The following ELP3 variants were observed in gnomAD, a reference collection of about 807,000 sequenced individuals.
ELP3 encodes the protein elongator acetyltransferase complex subunit 3, also known as elongator complex protein 3.
Under a neutral mutation model 74.9 loss-of-function variants are expected in ELP3, and 56 were observed. The ratio of observed to expected loss-of-function variants is 0.75; its 90% CI spans 0.60 to 0.93. The LOEUF is 0.93. ELP3 is among the 40% of genes least tolerant of loss of function. The pLI is 0.00. For synonymous variants in ELP3, 222 were observed against 239.8 expected, an observed-to-expected ratio of 0.93 and a Z score of 0.68; for missense variants, 573 against 686.5, an observed-to-expected ratio of 0.83 and a Z score of 1.85.
chr8:28,134,618 AAG>A (rs1812909838), intron 9 of ELP3, among the ~76,000 whole-genome samples: 1 of 152,216 alleles, frequency 6.6e-6, no homozygotes, highest in Non-Finnish European at 1.5e-5. Flanking sequence ...CATTTCACAA[AAG>A]AGAATATTCA....
At chr8:28,172,193 T>G (rs2130582247) in intron 14 of ELP3, among the ~76,000 whole-genome samples, 1 of 152,240 alleles carries the variant, frequency 6.6e-6, no homozygotes, top group East Asian at 1.9e-4. Flanking sequence ...AAAGCCACTA[T>G]TGGGATTTTG....
intron 5 of ELP3, 51 bp from the exon 6 acceptor site, chr8:28,110,319 T>C (rs1429577590): frequency 6.7e-7 from 1 of 1,495,122 alleles, no homozygotes; most frequent in Non-Finnish European, 9.2e-7. Context: ...CTTTTGAAAC[T>C]ACTTTTTAGT....
At chr8:28,100,103 C>A in intron 3 of ELP3, 137 bp downstream of exon 3, 1 of 1,088,770 alleles carries the variant, frequency 9.2e-7, no homozygotes, top group Non-Finnish European at 1.3e-6. Context: ...AGGATATGTG[C>A]TGGAGTGGAG....
At chr8:28,116,163 C>A (rs1210546760) in intron 7 of ELP3, among the ~76,000 whole-genome samples, 1 of 152,078 alleles carries the variant, frequency 6.6e-6, no homozygotes, top group Non-Finnish European at 1.5e-5. Context: ...TCCCCCTACC[C>A]CCTTAACTTC....
intron 10 of ELP3, 36 bp from the exon 11 acceptor site, chr8:28,155,906 A>G (rs1446411553): frequency 2.0e-6 from 3 of 1,534,702 alleles, no homozygotes; most frequent in Non-Finnish European, 2.7e-6. Flanking sequence ...AATGATTTCT[A>G]TTTTGCAACA....
chr8:28,105,136 C>T (rs1334891319), intron 3 of ELP3, among the ~76,000 whole-genome samples: 1 of 151,960 alleles, frequency 6.6e-6, no homozygotes, highest in Non-Finnish European at 1.5e-5. Flanking sequence ...AATCCCAGCA[C>T]TTTGGAAGGA....
At chr8:28,166,811 G>A (rs564996651) in intron 14 of ELP3, among the ~76,000 whole-genome samples, 1 of 152,306 alleles carries the variant, frequency 6.6e-6, no homozygotes, top group Non-Finnish European at 1.5e-5. Flanking sequence ...AACAGAATGA[G>A]TTTTTTTCTT....
intron 14 of ELP3, among the ~76,000 whole-genome samples, chr8:28,171,475 T>A (rs909278839): frequency 6.6e-6 from 1 of 152,202 alleles, no homozygotes; most frequent in Non-Finnish European, 1.5e-5. Context: ...TTTAGAGAGA[T>A]GTCTATTTGG....
intron 7 of ELP3, among the ~76,000 whole-genome samples, chr8:28,127,225 T>G (rs1157199663): frequency 6.6e-6 from 1 of 152,156 alleles, no homozygotes; most frequent in African/African-American, 2.4e-5. Context: ...GGTGGGGCCT[T>G]TGACACTCTG....
At chr8:28,151,071 G>A (rs117197712) in intron 10 of ELP3, among the ~76,000 whole-genome samples, 3 of 152,198 alleles carry the variant, frequency 2.0e-5, no homozygotes, top group East Asian at 1.9e-4. Context: ...CACCGTACTC[G>A]GCCTGTGTGA....
chr8:28,132,498 G>GT, intron 9 of ELP3, 94 bp downstream of exon 9: 1 of 1,525,880 alleles, frequency 6.6e-7, no homozygotes, highest in South Asian at 1.2e-5. Flanking sequence ...ATGTTTTCCA[G>GT]TGTTAAAGAA....
At chr8:28,107,484 T>G (rs1283187271) in intron 4 of ELP3, among the ~76,000 whole-genome samples, 1 of 152,210 alleles carries the variant, frequency 6.6e-6, no homozygotes, top group Non-Finnish European at 1.5e-5. Flanking sequence ...TCCTTATACG[T>G]AACCTTTAGA....
intron 14 of ELP3, among the ~76,000 whole-genome samples, chr8:28,174,752 A>C (rs1162171381): frequency 6.6e-6 from 1 of 152,146 alleles, no homozygotes; most frequent in Non-Finnish European, 1.5e-5. Flanking sequence ...ATTTCTTCAT[A>C]TGGTTCCAAG....
At chr8:28,097,635 A>T (rs951336062) in intron 2 of ELP3, among the ~76,000 whole-genome samples, 1 of 152,038 alleles carries the variant, frequency 6.6e-6, no homozygotes, top group African/African-American at 2.4e-5. Flanking sequence ...TGACCTCGTG[A>T]TCTGCCCACC....
intron 14 of ELP3, among the ~76,000 whole-genome samples, chr8:28,178,289 G>T (rs994862942): frequency 6.6e-6 from 1 of 152,134 alleles, no homozygotes; most frequent in African/African-American, 2.4e-5. Context: ...TACACATTCG[G>T]ACCATCGCAC....
intron 14 of ELP3, among the ~76,000 whole-genome samples, chr8:28,162,762 A>G (rs555618818): frequency 4.6e-5 from 7 of 152,242 alleles, no homozygotes; most frequent in Middle Eastern, 3.2e-3. Flanking sequence ...GTGCAAAGTC[A>G]TGAAAAAATA....
intron 3 of ELP3, among the ~76,000 whole-genome samples, chr8:28,104,905 C>T (rs950922766): frequency 3.3e-5 from 5 of 152,194 alleles, no homozygotes; most frequent in African/African-American, 4.8e-5. Flanking sequence ...CCAGTTCACT[C>T]CTTTATTTGT....
chr8:28,160,477 A>G (rs1459173800), intron 13 of ELP3, 21 bp downstream of exon 13: 10 of 1,600,980 alleles, frequency 6.2e-6, no homozygotes, highest in African/African-American at 1.3e-5. Flanking sequence ...TTCCATTTCT[A>G]TTTGACTTCT....
chr8:28,188,476 G>A (rs568167730), intron 14 of ELP3, among the ~76,000 whole-genome samples: 3 of 152,168 alleles, frequency 2.0e-5, no homozygotes, highest in Admixed American at 1.3e-4. Context: ...TCCCTCCTCC[G>A]GGGAGGGAAG....
Sources: allele counts gnomAD v4.1 joint callset (sites outside exome capture counted in the v4.1 genomes callset), GRCh38; gene constraint gnomAD v4.1.1; transcripts MANE v1.5; gene names NCBI Gene and HGNC (gene_info 2026-07-23, HGNC 2026-07-21).